DLGAP2: variants seen among roughly 807,000 people sequenced by gnomAD.
DLGAP2 encodes the protein disks large-associated protein 2.
Under a neutral mutation model 100.3 loss-of-function variants are expected in DLGAP2, and 26 were observed. The observed-to-expected ratio is 0.26, with a 90% CI of 0.19 to 0.36. The LOEUF (loss-of-function observed/expected upper bound fraction) is 0.36, where lower values mean the gene tolerates loss of function less well. Among genes scored for constraint, DLGAP2 ranks in the 10% least tolerant of loss-of-function variants. DLGAP2 has a pLI of 1.00. For synonymous variants in DLGAP2, 886 were observed against 630.1 expected (o/e 1.41, Z -6.08); for missense variants, 1,858 against 1,453.2 (o/e 1.28, Z -4.53).
chr8:1,542,574 A>G (rs1018746852), intron 4 of DLGAP2, among the ~76,000 whole-genome samples: 18 of 152,214 alleles, frequency 1.2e-4, no homozygotes, highest in Non-Finnish European at 2.5e-4. Context: ...TTCTGGGCTT[A>G]ATTGGTTTTA....
At chr8:1,049,797 C>T (rs1802620876) in intron 2 of DLGAP2, among the ~76,000 whole-genome samples, 1 of 152,136 alleles carries the variant, frequency 6.6e-6, no homozygotes, top group Non-Finnish European at 1.5e-5. Flanking sequence ...TGAGTGCAGG[C>T]AGTAACAGGT....
chr8:1,273,730 A>G (rs1479494565), intron 3 of DLGAP2, among the ~76,000 whole-genome samples: 1 of 152,228 alleles, frequency 6.6e-6, no homozygotes, highest in Non-Finnish European at 1.5e-5. Flanking sequence ...AGGTGCTTCT[A>G]ATGAATCAGG....
intron 3 of DLGAP2, among the ~76,000 whole-genome samples, chr8:1,271,019 G>C (rs1799572194): frequency 6.6e-6 from 1 of 152,124 alleles, no homozygotes; most frequent in Non-Finnish European, 1.5e-5. Flanking sequence ...GAATTGTAAT[G>C]ACGGATGACC....
chr8:888,353 T>G (rs1177225415), intron 1 of DLGAP2, among the ~76,000 whole-genome samples: 3 of 152,240 alleles, frequency 2.0e-5, no homozygotes, highest in East Asian at 1.9e-4. Flanking sequence ...CGTAGTTTTT[T>G]GTTACCCATC....
At chr8:1,643,217 G>A (rs1279118493) in intron 8 of DLGAP2, among the ~76,000 whole-genome samples, 1 of 20,100 alleles carries the variant, frequency 5.0e-5, no homozygotes, top group African/African-American at 5.6e-4. Flanking sequence ...GGAACCCGCC[G>A]GCCCTCACCT....
intron 3 of DLGAP2, among the ~76,000 whole-genome samples, chr8:1,353,416 T>C (rs1801780026): frequency 1.3e-5 from 2 of 152,228 alleles, no homozygotes; most frequent in South Asian, 4.1e-4. Flanking sequence ...CCATGGTCAA[T>C]GAATTATGTA....
chr8:816,394 G>T (rs1368517956), intron 1 of DLGAP2, among the ~76,000 whole-genome samples: 2 of 151,984 alleles, frequency 1.3e-5, no homozygotes, highest in Non-Finnish European at 2.9e-5. Context: ...GCTCCTTGTA[G>T]CAGTTCTTAT....
At chr8:1,657,687 A>C (rs1176781875) in intron 8 of DLGAP2, among the ~76,000 whole-genome samples, 1 of 152,250 alleles carries the variant, frequency 6.6e-6, no homozygotes, top group South Asian at 2.1e-4. Flanking sequence ...GCAGTGATAT[A>C]CTTCCATGTT....
intron 1 of DLGAP2, among the ~76,000 whole-genome samples, chr8:824,038 TTCTTCTTTTTTTTC>T (rs1796639189): frequency 1.2e-5 from 1 of 82,296 alleles, no homozygotes; most frequent in Non-Finnish European, 2.6e-5. Flanking sequence ...CTTTTTTTTC[TTCTTCTTTTTTTTC>T]TTCTTCTTCC....
intron 4 of DLGAP2, among the ~76,000 whole-genome samples, chr8:1,545,283 GCGTGCACC>G (rs1801496374): frequency 6.6e-6 from 1 of 152,092 alleles, no homozygotes; most frequent in African/African-American, 2.4e-5. Context: ...CACAAGCACG[GCGTGCACC>G]CTGTAAACAT....
intron 3 of DLGAP2, among the ~76,000 whole-genome samples, chr8:1,333,154 A>G (rs951103768): frequency 6.6e-6 from 1 of 152,120 alleles, no homozygotes; most frequent in African/African-American, 2.4e-5. Flanking sequence ...GCACAAGGAG[A>G]GAGATCAGGG....
intron 2 of DLGAP2, among the ~76,000 whole-genome samples, chr8:1,162,109 G>A (rs1280265021): frequency 2.0e-5 from 3 of 152,220 alleles, no homozygotes; most frequent in African/African-American, 4.8e-5. Context: ...CCGTAAGCCC[G>A]TGGGGCAGAT....
intron 3 of DLGAP2, among the ~76,000 whole-genome samples, chr8:1,373,215 A>G (rs990373575): frequency 6.6e-6 from 1 of 151,932 alleles, no homozygotes; most frequent in Non-Finnish European, 1.5e-5. Context: ...ACTGCGCAGC[A>G]AGACTCTGTG....
intron 3 of DLGAP2, among the ~76,000 whole-genome samples, chr8:1,308,756 C>A (rs1800548203): frequency 6.6e-6 from 1 of 152,190 alleles, no homozygotes; most frequent in Non-Finnish European, 1.5e-5. Flanking sequence ...AACTCCCGAC[C>A]TCGGATGATC....
chr8:1,681,975 C>T (rs62483128), intron 12 of DLGAP2, among the ~76,000 whole-genome samples: 22,647 of 142,960 alleles, frequency 0.16, 1,913 homozygotes, highest in African/African-American at 0.26. Flanking sequence ...CTGGGAGTCA[C>T]GGCCCTCTGA....
Position 1,476,418 on chromosome 8 carries a change from C to T in DLGAP2, c.107-24948C>T, listed in dbSNP as rs573072743. On this transcript the variant is annotated intron_variant, in intron 3 of 14. Transcript: ENST00000637795. ...CTGTGACTTCCTTTCTTCCCCTCTACACTCCAAGGGCGTCACCTGTTCCTT... is the reference window on the plus strand; with the variant it reads ...CTGTGACTTCCTTTCTTCCCCTCTATACTCCAAGGGCGTCACCTGTTCCTT... 3.0e-4 allele frequency among the ~76,000 whole-genome samples: 46 copies of T among 152,314 alleles called. 1 individual carries two copies. The South Asian group carries it at 9.3e-3, about 31-fold the overall frequency.
intron 3 of DLGAP2, among the ~76,000 whole-genome samples, chr8:1,419,954 T>A (rs10087082): frequency 0.55 from 82,875 of 152,008 alleles, 23,310 homozygotes; most frequent in East Asian, 0.9. Context: ...AAAGAACATG[T>A]GAAATGGGGT....
At chr8:1,141,687 A>T (rs1796525083) in intron 2 of DLGAP2, among the ~76,000 whole-genome samples, 1 of 152,222 alleles carries the variant, frequency 6.6e-6, no homozygotes, top group African/African-American at 2.4e-5. Context: ...TAGAGGAATG[A>T]GAAAATGAAT....
intron 1 of DLGAP2, among the ~76,000 whole-genome samples, chr8:772,871 T>G (rs1410615682): frequency 1.3e-5 from 2 of 152,148 alleles, no homozygotes; most frequent in Non-Finnish European, 2.9e-5. Context: ...TGTGTATGTG[T>G]AGGCAGAGCT....
Sources: allele counts gnomAD v4.1 joint callset (sites outside exome capture counted in the v4.1 genomes callset), GRCh38; gene constraint gnomAD v4.1.1; transcripts MANE v1.5; gene names NCBI Gene and HGNC (gene_info 2026-07-23, HGNC 2026-07-21).